The following PPP1R13B variants were observed in gnomAD, a reference collection of about 807,000 sequenced individuals.
PPP1R13B encodes the protein protein phosphatase 1 regulatory subunit 13B.
Under a neutral mutation model 119.8 loss-of-function variants are expected in PPP1R13B, and 44 were observed. The observed-to-expected ratio is 0.37, with a 90% confidence interval of 0.29 to 0.47. The LOEUF is 0.47. Among genes scored for constraint, PPP1R13B ranks in the 20% least tolerant of loss-of-function variants. PPP1R13B has a pLI of 0.99. For missense variants in PPP1R13B, 1,227 were observed against 1,413.5 expected (o/e 0.87, Z 2.12); for synonymous variants, 542 against 561.5 (o/e 0.97, Z 0.49).
At chr14:103,736,976 G>T (rs1015479822) in intron 15 of PPP1R13B, 2 of 152,354 alleles carry the variant, frequency 1.3e-5, no homozygotes, top group African/African-American at 4.8e-5. Context: ...GGAAAATGCG[G>T]CCCTGGCTAA....
chr14:103,804,134 A>T (rs1360113571), intron 1 of PPP1R13B: 4 of 793,438 alleles, frequency 5.0e-6, no homozygotes, highest in African/African-American at 1.9e-5. Flanking sequence ...ATACTAGACC[A>T]TAAGGACAAT....
chr14:103,740,318 T>C lies in PPP1R13B; in HGVS notation c.2098A>G (p.Asn700Asp). Residue 700 changes from asparagine (N) to aspartate (D), a missense_variant, in exon 12 of 17, where the codon AAC becomes GAC. By Grantham distance (23) the Asn-to-Asp change is conservative. Coordinates refer to ENST00000202556, the MANE Select transcript of PPP1R13B (RefSeq NM_015316.3). This position sits in a 1 kb window ranked among gnomAD's most constrained non-coding sequence, Gnocchi z 4.6. ...DLEALRRKLA[N>D]APRPLKKRSS... ...CGCTTTTTCAGGGGCCGGGGCGCGTTGGCCAGCTTCCTGCGGAGGGCCTCC... is the reference window on the plus strand; with the variant it reads ...CGCTTTTTCAGGGGCCGGGGCGCGTCGGCCAGCTTCCTGCGGAGGGCCTCC... The C allele has an allele frequency of 6.4e-7, 1 of 1,574,234 alleles. No individual in the cohort carries two copies. Among genetic ancestry groups the C allele is most frequent in the Non-Finnish European group, 8.6e-7 (1 of 1,160,222 alleles).
intron 1 of PPP1R13B, chr14:103,847,031 G>C (rs1354790327): frequency 6.8e-5 from 74 of 1,085,254 alleles, no homozygotes; most frequent in Non-Finnish European, 8.1e-5. Flanking sequence ...GGAGATGACC[G>C]GCCCCAAATG....
chr14:103,803,750 T>C (rs1211434893), intron 1 of PPP1R13B, among the ~76,000 whole-genome samples: 1 of 152,234 alleles, frequency 6.6e-6, no homozygotes, highest in Non-Finnish European at 1.5e-5. Flanking sequence ...GTAACAAATA[T>C]AGCATGTAAT....
At position 103,740,410 on chromosome 14, in the gene PPP1R13B, G is replaced by A; in HGVS notation, c.2006C>T (p.Pro669Leu). ...DGSTVESLPR[P>L]LSPTKLTPIV... is the part of the protein sequence containing the mutation. ...GGGCGTGAGCTTGGTGGGGCTGAGT[G>A]GCCGTGGCAGGCTCTCCACGGTGCT... Residue 669 changes from proline (P) to leucine (L), a missense_variant, in exon 12 of 17, where the codon CCA becomes CTA. Coordinates refer to ENST00000202556, the MANE Select transcript of PPP1R13B (RefSeq NM_015316.3). The surrounding 1 kb of genome is among the most constrained non-coding windows in gnomAD (Gnocchi z 4.6). 6.3e-7 allele frequency: 1 copy of A among 1,584,176 alleles called. No homozygotes were observed. Among genetic ancestry groups the A allele is most frequent in the Admixed American group, 1.8e-5 (1 of 57,138 alleles).
chr14:103,816,264 TCTC>T (rs2086277236), intron 1 of PPP1R13B, among the ~76,000 whole-genome samples: 1 of 150,066 alleles, frequency 6.7e-6, no homozygotes, highest in Non-Finnish European at 1.5e-5. Context: ...TTCAAGCGAT[TCTC>T]CTGCCTCAGC....
At chr14:103,803,822 C>G (rs999246260) in intron 1 of PPP1R13B, among the ~76,000 whole-genome samples, 2 of 152,146 alleles carry the variant, frequency 1.3e-5, no homozygotes, top group Non-Finnish European at 2.9e-5. Context: ...AATCACACAA[C>G]AAATCCTGCC....
intron 1 of PPP1R13B, among the ~76,000 whole-genome samples, chr14:103,818,273 G>A (rs1240677988): frequency 2.0e-5 from 3 of 152,084 alleles, no homozygotes; most frequent in Non-Finnish European, 4.4e-5. Context: ...CCTGAGATTT[G>A]GGTCTGCTCA....
At chr14:103,824,063 T>C (rs1380147176) in intron 1 of PPP1R13B, among the ~76,000 whole-genome samples, 1 of 144,994 alleles carries the variant, frequency 6.9e-6, no homozygotes, top group Non-Finnish European at 1.5e-5. Context: ...TTTTTTTTTT[T>C]TGAGATGCAG....
At chr14:103,810,664 C>T (rs914994304) in intron 1 of PPP1R13B, among the ~76,000 whole-genome samples, 2 of 151,766 alleles carry the variant, frequency 1.3e-5, no homozygotes, top group South Asian at 2.1e-4. Context: ...CCCAGCTACT[C>T]GGGAGGCTGA....
intron 1 of PPP1R13B, chr14:103,847,051 C>T (rs1296721937): frequency 2.9e-6 from 3 of 1,024,500 alleles, no homozygotes; most frequent in Non-Finnish European, 3.5e-6. Flanking sequence ...GCATCTGCTT[C>T]TCCCCGCGGC....
chr14:103,798,314 G>C (rs1237158850), intron 1 of PPP1R13B, among the ~76,000 whole-genome samples: 1 of 151,768 alleles, frequency 6.6e-6, no homozygotes, highest in Non-Finnish European at 1.5e-5. Flanking sequence ...ACCACGCCCG[G>C]CTAATTTTTT....
intron 4 of PPP1R13B, chr14:103,764,514 TAG>T (rs1158435710): frequency 2.5e-5 from 9 of 356,804 alleles, no homozygotes; most frequent in African/African-American, 2.0e-4. Flanking sequence ...TAAATTATTA[TAG>T]AAGTACAAAA....
At chr14:103,793,217 G>GAAAGA (rs1469870825) in intron 2 of PPP1R13B, among the ~76,000 whole-genome samples, 1 of 151,908 alleles carries the variant, frequency 6.6e-6, no homozygotes, top group Non-Finnish European at 1.5e-5. Flanking sequence ...GAAAGAAAAG[G>GAAAGA]AAAGAAAAGG....
chr14:103,844,059 A>AAAT (rs2086970346), intron 1 of PPP1R13B, among the ~76,000 whole-genome samples: 2 of 151,888 alleles, frequency 1.3e-5, no homozygotes, highest in East Asian at 3.9e-4. Context: ...TCAAGCTCAG[A>AAAT]AATTCGAGAC....
chr14:103,845,476 T>TA (rs2087007949), intron 1 of PPP1R13B, among the ~76,000 whole-genome samples: 1 of 152,174 alleles, frequency 6.6e-6, no homozygotes, highest in Admixed American at 6.6e-5. Context: ...CCTGTTTTTT[T>TA]AAAAAACAGT....
intron 4 of PPP1R13B, among the ~76,000 whole-genome samples, chr14:103,777,842 T>C (rs1396325744): frequency 1.3e-5 from 2 of 149,772 alleles, no homozygotes; most frequent in African/African-American, 4.9e-5. Flanking sequence ...TTGACAAGGC[T>C]GAAGTGCAGT....
At chr14:103,762,536 C>T (rs2084832486) in intron 4 of PPP1R13B, among the ~76,000 whole-genome samples, 1 of 149,266 alleles carries the variant, frequency 6.7e-6, no homozygotes, top group South Asian at 2.1e-4. Flanking sequence ...CAACATGGCA[C>T]ATGTATACAT....
intron 4 of PPP1R13B, among the ~76,000 whole-genome samples, chr14:103,762,217 T>C (rs2084824143): frequency 1.3e-5 from 2 of 152,100 alleles, no homozygotes; most frequent in African/African-American, 4.8e-5. Flanking sequence ...GCATAAACGA[T>C]GGAGGTTTAA....
Sources: gnomAD v4.1 joint callset for allele counts (sites outside exome capture counted in the v4.1 genomes callset) on GRCh38, gnomAD v4.1.1 for gene constraint, Gnocchi (gnomAD v3.1) non-coding constraint, MANE v1.5 for transcripts, NCBI Gene and HGNC (gene_info 2026-07-23, HGNC 2026-07-21) for gene names.